MED13L: variants seen among roughly 807,000 people sequenced by gnomAD.
MED13L encodes the protein mediator complex subunit 13L.
Under a neutral mutation model 220.9 loss-of-function variants are expected in MED13L, and 7 were observed. That is an observed-to-expected ratio of 0.03 (90% CI 0.02 to 0.06). MED13L has a LOEUF of 0.06. MED13L is among the 10% of genes least tolerant of loss of function. MED13L has a pLI of 1.00. For missense variants in MED13L, 1,965 were observed against 2,760.5 expected (o/e 0.71, Z 6.46); for synonymous variants, 1,011 against 1,015.2 (o/e 1.00, Z 0.08).
intron 5 of MED13L, 49 bp from the exon 6 acceptor site, chr12:116,020,021 TA>T (rs1468588665): frequency 1.3e-6 from 2 of 1,520,778 alleles, no homozygotes; most frequent in Non-Finnish European, 1.8e-6. Flanking sequence ...AAATAATTCC[TA>T]CTTAAGTGCA....
chr12:116,100,683 G>A (rs1872999461), intron 3 of MED13L, among the ~76,000 whole-genome samples: 1 of 151,804 alleles, frequency 6.6e-6, no homozygotes, highest in South Asian at 2.1e-4. Flanking sequence ...AGCCAAAGTG[G>A]AAGAACAGCT....
At chr12:116,035,157 T>C (rs1487085226) in intron 4 of MED13L, among the ~76,000 whole-genome samples, 4 of 152,202 alleles carry the variant, frequency 2.6e-5, no homozygotes. Context: ...TACAGTTTCC[T>C]GAGCAAACTA....
chr12:115,984,109 A>G, intron 20 of MED13L, 71 bp downstream of exon 20: 1 of 1,481,800 alleles, frequency 6.7e-7, no homozygotes, highest in African/African-American at 1.4e-5. Flanking sequence ...TTGCATCTAT[A>G]AAAGAAGGGA....
intron 4 of MED13L, among the ~76,000 whole-genome samples, chr12:116,030,011 C>T (rs1190755401): frequency 6.6e-6 from 1 of 152,108 alleles, no homozygotes; most frequent in Admixed American, 6.6e-5. Context: ...CTCTGTCACC[C>T]AGGCTGCAGT....
intron 1 of MED13L, among the ~76,000 whole-genome samples, chr12:116,239,792 C>T (rs1456615605): frequency 1.3e-5 from 2 of 152,206 alleles, no homozygotes; most frequent in African/African-American, 4.8e-5. Context: ...TCCCAAATTG[C>T]ATATCTTTTA....
At chr12:116,270,255 C>T (rs1192348645) in intron 1 of MED13L, among the ~76,000 whole-genome samples, 1 of 152,006 alleles carries the variant, frequency 6.6e-6, no homozygotes, top group Non-Finnish European at 1.5e-5. Flanking sequence ...GATTCCCCTG[C>T]CTCAGCCTCC....
chr12:116,143,097 G>A (rs976571512), intron 2 of MED13L, among the ~76,000 whole-genome samples: 3 of 152,168 alleles, frequency 2.0e-5, no homozygotes, highest in Non-Finnish European at 4.4e-5. Flanking sequence ...TACATCAGTA[G>A]CTAACCACTG....
intron 4 of MED13L, among the ~76,000 whole-genome samples, chr12:116,063,793 A>G (rs1869701975): frequency 6.6e-6 from 1 of 152,240 alleles, no homozygotes; most frequent in Non-Finnish European, 1.5e-5. Context: ...ATACAAAAAT[A>G]TAAACAGTGG....
chr12:116,233,092 A>G (rs904249348), intron 2 of MED13L, among the ~76,000 whole-genome samples: 1 of 138,984 alleles, frequency 7.2e-6, no homozygotes. Context: ...GTCTAAAGGA[A>G]AAAAAAAAAA....
chr12:116,028,610 A>G (rs952075642), intron 4 of MED13L, among the ~76,000 whole-genome samples: 5 of 152,102 alleles, frequency 3.3e-5, no homozygotes, highest in African/African-American at 4.8e-5. Flanking sequence ...ATCAGACACA[A>G]TGTAACTTAA....
At chr12:116,076,542 CA>C (rs1870817666) in intron 4 of MED13L, among the ~76,000 whole-genome samples, 4 of 152,076 alleles carry the variant, frequency 2.6e-5, no homozygotes, top group Middle Eastern at 3.4e-3. Flanking sequence ...GTCTTACAAA[CA>C]AAACAAAATA....
intron 2 of MED13L, among the ~76,000 whole-genome samples, chr12:116,226,355 G>C (rs1345048681): frequency 6.6e-6 from 1 of 152,172 alleles, no homozygotes; most frequent in Non-Finnish European, 1.5e-5. Context: ...TACTAAGAGT[G>C]CATTTTATCA....
At chr12:116,237,904 A>C (rs1870244909) in intron 1 of MED13L, among the ~76,000 whole-genome samples, 199 bp from the exon 2 acceptor site, 1 of 152,214 alleles carries the variant, frequency 6.6e-6, no homozygotes, top group Non-Finnish European at 1.5e-5. Context: ...AGATTTCTAC[A>C]TAGCTCTTTA....
At chr12:116,018,597 T>C (rs1449570873) in intron 7 of MED13L, among the ~76,000 whole-genome samples, 1 of 152,182 alleles carries the variant, frequency 6.6e-6, no homozygotes, top group Non-Finnish European at 1.5e-5. Flanking sequence ...ACAAAGTTAA[T>C]ATAGGAACTA....
intron 2 of MED13L, among the ~76,000 whole-genome samples, chr12:116,163,362 ATTTT>A (rs35808540): frequency 1.5e-4 from 21 of 140,326 alleles, no homozygotes; most frequent in African/African-American, 2.4e-4. Flanking sequence ...TAGGTGAAGA[ATTTT>A]TTTTTTTTTT....
At chr12:116,240,972 C>A (rs149586990) in intron 1 of MED13L, among the ~76,000 whole-genome samples, 2 of 152,080 alleles carry the variant, frequency 1.3e-5, no homozygotes, top group Non-Finnish European at 2.9e-5. Flanking sequence ...GTATTCTGTG[C>A]CTAAGAGCCT....
chr12:116,250,383 G>A (rs865832834), intron 1 of MED13L, among the ~76,000 whole-genome samples: 13 of 150,286 alleles, frequency 8.7e-5, no homozygotes, highest in South Asian at 4.2e-4. Flanking sequence ...CTTCAGGTAC[G>A]AGGAACACGA....
intron 2 of MED13L, chr12:116,174,660 G>C (rs1261285766): frequency 5.3e-5 from 8 of 152,176 alleles, no homozygotes; most frequent in Admixed American, 2.0e-4. Context: ...TGGGATAGTT[G>C]TTACTAGCTG....
chr12:116,180,776 TTTTA>T (rs1373370127), intron 2 of MED13L, among the ~76,000 whole-genome samples: 2 of 152,202 alleles, frequency 1.3e-5, no homozygotes, highest in African/African-American at 2.4e-5. Flanking sequence ...TTCAGTAGAT[TTTTA>T]TTTAAAGTGA....
Sources: gnomAD v4.1 joint callset for allele counts (sites outside exome capture counted in the v4.1 genomes callset) on GRCh38, gnomAD v4.1.1 for gene constraint, MANE v1.5 for transcripts, NCBI Gene and HGNC (gene_info 2026-07-23, HGNC 2026-07-21) for gene names.